The following GABBR1 variants were observed in gnomAD, a reference collection of about 807,000 sequenced individuals.
GABBR1 encodes GABA-B receptor, R1 subunit.
In GABBR1, 35 loss-of-function variants were observed where a neutral mutation model predicts 117.7. That is an observed-to-expected ratio of 0.30 (90% CI 0.23 to 0.39). GABBR1 has a LOEUF of 0.39. GABBR1 is among the 10% of genes least tolerant of loss of function. The pLI, the probability that GABBR1 is intolerant of heterozygous loss-of-function variation, is 1.00. For synonymous variants in GABBR1, 442 were observed against 486.6 expected (o/e 0.91, Z 1.21); for missense variants, 709 against 1,241.8 (o/e 0.57, Z 6.45).
chr6:29,628,098 G>A (rs1463408864), intron 5 of GABBR1: 11 of 442,570 alleles, frequency 2.5e-5, no homozygotes, highest in Non-Finnish European at 3.3e-5. Context: ...CGCGGCAGCG[G>A]GGGGTGGGGG....
In GABBR1 at chr6:29,613,137, A is replaced by T. The variant is rs375839618; in HGVS notation, c.1566+106T>A. Reference sequence around the variant, plus strand: ...CTCTGGTCGGAGACTGATTCTGCAAAGAAGTAACTGAGAAAAACAGAGAAT... The same window carrying T: ...CTCTGGTCGGAGACTGATTCTGCAATGAAGTAACTGAGAAAAACAGAGAAT... On this transcript the variant is annotated intron_variant, in intron 12 of 22. Transcript: ENST00000377034. The surrounding 1 kb of genome is among the most constrained non-coding windows in gnomAD (Gnocchi z 4.1). 2.4e-6 allele frequency: 3 copies of T among 1,249,946 alleles called. No homozygotes were observed. In the African/African-American group the frequency reaches 4.5e-5, roughly 19 times the overall value. 77.4% of individuals were successfully genotyped at this position (1,249,946 alleles called of 1,614,324 possible).
At position 29,631,731 on chromosome 6, in the gene GABBR1, G is replaced by A. The variant is rs1253791580; in HGVS notation, c.86-132C>T. The A allele has an allele frequency of 5.5e-6, 4 of 727,576 alleles. No homozygotes were observed. The highest frequency in any genetic ancestry group is 2.6e-5 in the East Asian group (1 of 37,984). 45.1% of individuals were successfully genotyped at this position (727,576 alleles called of 1,614,324 possible). ...CTGGGGACAGAGGAAGAGGGATGGG[G>A]CACTAGAGGGTGGGAGTGGGGACAG... On this transcript the variant is annotated intron_variant, in intron 2 of 22. Coordinates refer to ENST00000377034, the MANE Select transcript of GABBR1 (RefSeq NM_001470.4). The surrounding 1 kb of genome is among the most constrained non-coding windows in gnomAD (Gnocchi z 5.9).
chr6:29,625,385 C>T (rs1037257968), intron 6 of GABBR1, among the ~76,000 whole-genome samples: 12 of 152,168 alleles, frequency 7.9e-5, no homozygotes, highest in African/African-American at 2.9e-4. Context: ...TGAGGACATA[C>T]AAGAACATAT....
rs771880370 is a variant in GABBR1, at chr6:29,629,072, G to C, written c.496+15C>G. On this transcript the variant is annotated intron_variant, in intron 5 of 22. Transcript: ENST00000377034. ...AGGGCATTGCAGTGCGCGCGGTAAGGGTTTCTCATCTCACCTGAGTGTGGC... is the reference window on the plus strand; with the variant it reads ...AGGGCATTGCAGTGCGCGCGGTAAGCGTTTCTCATCTCACCTGAGTGTGGC... 2 of 1,612,858 alleles carry C rather than the reference G, an allele frequency of 1.2e-6. No homozygotes were observed. Among genetic ancestry groups the C allele is most frequent in the Non-Finnish European group, 1.7e-6 (2 of 1,179,942 alleles).
Position 29,609,495 on chromosome 6 carries a change from C to A in GABBR1, c.1709-116G>T. Reference sequence around the variant, plus strand: ...ACTAGATTGCTGATGGACATTCAGTCATTGGCTGGGGACATGAGGCCCTAA... The same window carrying A: ...ACTAGATTGCTGATGGACATTCAGTAATTGGCTGGGGACATGAGGCCCTAA... On this transcript the variant is annotated intron_variant, in intron 14 of 22. Transcript: ENST00000377034. This position sits in a 1 kb window ranked among gnomAD's most constrained non-coding sequence, Gnocchi z 4.3. 1.2e-6 allele frequency: 1 copy of A among 866,344 alleles called. No homozygotes were observed. The highest frequency in any genetic ancestry group is 1.6e-5 in the South Asian group (1 of 62,644). The allele number at this position is 866,344 out of a possible 1,614,324, so 53.7% of individuals were successfully genotyped here. A position where few individuals can be genotyped will look rare whatever the true frequency, so the allele number is the denominator to read the frequency against.
At chr6:29,629,162 C>T in intron 4 of GABBR1, 55 bp from the exon 5 acceptor site, 1 of 1,605,232 alleles carries the variant, frequency 6.2e-7, no homozygotes, top group Non-Finnish European at 8.5e-7. Context: ...GCCCAGCTTC[C>T]CTGGCCTGAT....
chr6:29,631,582 G>C lies in GABBR1; in HGVS notation c.103C>G (p.Pro35Ala), dbSNP rs564048638. Residue 35 changes from proline to alanine, a missense_variant, in exon 3 of 23, where the codon CCG becomes GCG. Pro to Ala is a conservative substitution (Grantham distance 27). Around this residue, in one of 9 missense-constraint regions of GABBR1, gnomAD observed 4 missense variants for 21.3 expected, o/e 0.19. Coordinates refer to ENST00000377034, the MANE Select transcript of GABBR1 (RefSeq NM_001470.4). This position sits in a 1 kb window ranked among gnomAD's most constrained non-coding sequence, Gnocchi z 5.9. ...TACCTGATGCCCCCTTCCCAGGGCG[G>C]GTGTATGATCTGGCAACCTAAGGGG... ...ATSEGCQIIH[P>A]PWEGGIRYRG... 3 of 1,614,136 alleles carry C rather than the reference G, an allele frequency of 1.9e-6. No homozygotes were observed. The African/African-American group carries it at 4.0e-5, about 22-fold the overall frequency.
intron 11 of GABBR1, among the ~76,000 whole-genome samples, chr6:29,619,694 TATAAGAC>T (rs1463749661): frequency 6.6e-6 from 1 of 151,360 alleles, no homozygotes; most frequent in Non-Finnish European, 1.5e-5. Flanking sequence ...AGCTCCCTGC[TATAAGAC>T]AGAAGCAACG....
rs1198028693 is a variant in GABBR1 at position 29,610,972 on chromosome 6, C to G, written c.1660G>C (p.Asp554His). Residue 554 changes from aspartate (D) to histidine (H), a missense_variant, in exon 14 of 23, where the codon GAC (aspartate) becomes CAC (histidine). This residue lies in a region of GABBR1 where 10 missense variants were observed against 53.6 expected (regional missense o/e 0.19). Transcript: ENST00000377034. ...GGSYKKIGYY[D>H]STKDDLSWSK... ...CAGGAAAGATCATCCTTGGTGCTGT[C>G]ATAGTAGCCAATCTTCTTGTAGCTG... The G allele has an allele frequency of 6.2e-7, 1 of 1,612,934 alleles. No individual in the cohort carries two copies. Among genetic ancestry groups the G allele is most frequent in the Non-Finnish European group, 8.5e-7 (1 of 1,179,996 alleles).
Position 29,613,915 on chromosome 6 carries a change from G to T in GABBR1, c.1324-430C>A, listed in dbSNP as rs1452594137. Among the ~76,000 whole-genome samples the T allele has an allele frequency of 6.6e-6, 1 of 152,202 alleles. No individual in the cohort carries two copies. The highest frequency in any genetic ancestry group is 6.5e-5 in the Admixed American group (1 of 15,278). ...TCTAACAGCTCCTACAATTCCAAAA[G>T]ATTCTAGAAAAGGTGATAGCAGTCT... On this transcript the variant is annotated intron_variant, in intron 11 of 22. Transcript: ENST00000377034. The surrounding 1 kb of genome is among the most constrained non-coding windows in gnomAD (Gnocchi z 4.1).
Position 29,611,062 on chromosome 6 carries a change from T to C in GABBR1, c.1631-61A>G. On this transcript the variant is annotated intron_variant, in intron 13 of 22. Transcript: ENST00000377034. This position sits in a 1 kb window ranked among gnomAD's most constrained non-coding sequence, Gnocchi z 4.6. ...AGCCAAAGAGCTGATCCTAGGCATTTTCAACTTCCCACTTCCCTAGAGCTT... is the reference window on the plus strand; with the variant it reads ...AGCCAAAGAGCTGATCCTAGGCATTCTCAACTTCCCACTTCCCTAGAGCTT... 1 of 1,323,564 alleles carries C rather than the reference T, an allele frequency of 7.6e-7. No homozygotes were observed. Among genetic ancestry groups the C allele is most frequent in the Non-Finnish European group, 1.1e-6 (1 of 917,652 alleles). The allele number at this position is 1,323,564 out of a possible 1,614,324, so 82.0% of individuals were successfully genotyped here. A position where few individuals can be genotyped will look rare whatever the true frequency, so the allele number is the denominator to read the frequency against.
In GABBR1 at chr6:29,603,328, T is replaced by C; in HGVS notation, c.*215A>G. 1.4e-6 allele frequency: 1 copy of C among 702,324 alleles called. No individual in the cohort carries two copies. Among genetic ancestry groups the C allele is most frequent in the Non-Finnish European group, 2.6e-6 (1 of 383,544 alleles). 43.5% of individuals were successfully genotyped at this position (702,324 alleles called of 1,614,324 possible). On this transcript the variant is annotated 3_prime_UTR_variant, in exon 23 of 23. Transcript: ENST00000377034. ...AAATTGTGAAGAGGTGATACAAAAT[T>C]ACATGAAGCAGTAAGAGAGAAAAAG...
In GABBR1 at chr6:29,623,381, G is replaced by T. The variant is rs1206538180; in HGVS notation, c.887C>A (p.Thr296Asn). The T allele has an allele frequency of 6.2e-7, 1 of 1,614,012 alleles. No individual in the cohort carries two copies. The highest frequency in any genetic ancestry group is 8.5e-7 in the Non-Finnish European group (1 of 1,180,028). The change falls in exon 8 of 23, where the codon ACC (threonine) becomes AAC (asparagine). Residue 296 changes from threonine to asparagine, a missense_variant. Thr to Asn is a moderately conservative substitution (Grantham distance 65). Coordinates refer to ENST00000377034, the MANE Select transcript of GABBR1 (RefSeq NM_001470.4). This position sits in a 1 kb window ranked among gnomAD's most constrained non-coding sequence, Gnocchi z 6.2. Reference sequence around the variant, plus strand: ...CCACTTTTCAAAGAGTTTCACGCGGGTAGGGTTGTGGAGTGTGGCTGATGG... The same window carrying T: ...CCACTTTTCAAAGAGTTTCACGCGGTTAGGGTTGTGGAGTGTGGCTGATGG... The part of the protein sequence containing the change: ...THPSATLHNP[T>N]RVKLFEKWGW...
At chr6:29,629,830 A>AG (rs1764775078) in intron 4 of GABBR1, 2 of 152,134 alleles carry the variant, frequency 1.3e-5, no homozygotes, top group East Asian at 1.9e-4. Context: ...AAAAAAAAAA[A>AG]GTAGACAGAC....
At position 29,606,702 on chromosome 6, in the gene GABBR1, C is replaced by A; in HGVS notation, c.2217+195G>T. The A allele has an allele frequency of 1.6e-6, 1 of 632,808 alleles. No individual in the cohort carries two copies. Among genetic ancestry groups the A allele is most frequent in the Non-Finnish European group, 2.8e-6 (1 of 362,058 alleles). The allele number at this position is 632,808 out of a possible 1,614,324, so 39.2% of individuals were successfully genotyped here. On this transcript the variant is annotated intron_variant, in intron 18 of 22. Transcript: ENST00000377034. This position sits in a 1 kb window ranked among gnomAD's most constrained non-coding sequence, Gnocchi z 4.5. ...GTTCTACACACCCTTCCCAGATTCC[C>A]ACCCCTTCCTTTCTTCAGCTGAATC...
Position 29,621,139 on chromosome 6 carries a change from T to G in GABBR1, c.1285A>C (p.Met429Leu). The G allele has an allele frequency of 6.2e-7, 1 of 1,613,056 alleles. No individual in the cohort carries two copies. The highest frequency in any genetic ancestry group is 8.5e-7 in the Non-Finnish European group (1 of 1,180,020). ...VEGHITTEIV[M>L]LNPANTRSIS... is the part of the protein sequence containing the mutation. ...CTGCGGGTATTGGCAGGATTCAGCA[T>G]GACAATCTCAGTTGTGATGTGGCCC... The change falls in exon 11 of 23, where the codon ATG (methionine) becomes CTG (leucine). Residue 429 changes from methionine to leucine, a missense_variant. By Grantham distance (15) the Met-to-Leu change is conservative. Transcript: ENST00000377034. The surrounding 1 kb of genome is among the most constrained non-coding windows in gnomAD (Gnocchi z 5.0).
In GABBR1 at chr6:29,613,903, A is replaced by G. The variant is rs1336904589; in HGVS notation, c.1324-418T>C. On this transcript the variant is annotated intron_variant, in intron 11 of 22. Transcript: ENST00000377034. The surrounding 1 kb of genome is among the most constrained non-coding windows in gnomAD (Gnocchi z 4.1). ...GTTAACCCAGGATCTAACAGCTCCT[A>G]CAATTCCAAAAGATTCTAGAAAAGG... Among the ~76,000 whole-genome samples the G allele has an allele frequency of 6.6e-6, 1 of 152,230 alleles. No individual in the cohort carries two copies. The highest frequency in any genetic ancestry group is 6.5e-5 in the Admixed American group (1 of 15,286).
Position 29,608,619 on chromosome 6 carries a change from C to T in GABBR1, c.1974G>A (p.Gln658=). The T allele has an allele frequency of 6.2e-7, 1 of 1,612,910 alleles. No homozygotes were observed. Among genetic ancestry groups the T allele is most frequent in the Non-Finnish European group, 8.5e-7 (1 of 1,179,936 alleles). The change falls in exon 16 of 23, where the codon CAG becomes CAA. Residue 658 remains glutamine (Q), a synonymous_variant. Coordinates refer to ENST00000377034, the MANE Select transcript of GABBR1 (RefSeq NM_001470.4). ...TCCTCACCTGGCAGACGAAAGGAAA[C>T]TGGTTCCTCCCAATGTGGTAACCAT... The part of the protein sequence containing the change: ...GLDGYHIGRN[Q]FPFVCQARLW...
rs1761874287 is a variant in GABBR1, at chr6:29,605,708, GGA to G, written c.2312-14_2312-13del. ...ACCATAGAAAATGCCTAGGATGGCA[GGA>G]GAGAGTCACTTGAGCAACAAGGACC... On this transcript the variant is annotated splice_polypyrimidine_tract_variant and intron_variant, in intron 19 of 22. Coordinates refer to ENST00000377034, the MANE Select transcript of GABBR1 (RefSeq NM_001470.4). The surrounding 1 kb of genome is among the most constrained non-coding windows in gnomAD (Gnocchi z 4.2). 1 of 1,610,736 alleles carries G rather than the reference GGA, an allele frequency of 6.2e-7. No homozygotes were observed. Among genetic ancestry groups the G allele is most frequent in the Non-Finnish European group, 8.5e-7 (1 of 1,179,824 alleles).
Sources: gnomAD v4.1 joint callset for allele counts (sites outside exome capture counted in the v4.1 genomes callset) on GRCh38, gnomAD v4.1.1 for gene constraint, gnomAD v4.1.1 regional missense constraint, Gnocchi (gnomAD v3.1) non-coding constraint, MANE v1.5 for transcripts, NCBI Gene and HGNC (gene_info 2026-07-23, HGNC 2026-07-21) for gene names.